The following SRGAP1 variants were observed in gnomAD, a reference collection of about 807,000 sequenced individuals.
SRGAP1 encodes SLIT-ROBO Rho GTPase activating protein 1.
SRGAP1 carries 43 observed loss-of-function variants against 121.9 expected under a neutral mutation model. The ratio of observed to expected loss-of-function variants is 0.35; its 90% CI spans 0.28 to 0.46. The LOEUF (loss-of-function observed/expected upper bound fraction) is 0.46. Among genes scored for constraint, SRGAP1 ranks in the 20% least tolerant of loss-of-function variants. The probability of loss-of-function intolerance (pLI) is 1.00; values close to 1 mark genes in which losing one functional copy is unlikely to be tolerated. For synonymous variants in SRGAP1, 447 were observed against 485.4 expected, an observed-to-expected ratio of 0.92 and a Z score of 1.04; for missense variants, 1,102 against 1,350.9, an observed-to-expected ratio of 0.82 and a Z score of 2.89.
chr12:64,147,194 G>T lies in SRGAP1; in HGVS notation c.*4522G>T. 3.4e-6 allele frequency: 1 copy of T among 295,700 alleles called. No homozygotes were observed. The highest frequency in any genetic ancestry group is 6.2e-6 in the Non-Finnish European group (1 of 160,530). 18.3% of individuals were successfully genotyped at this position (295,700 alleles called of 1,614,324 possible). A position where few individuals can be genotyped will look rare whatever the true frequency, so the allele number is the denominator to read the frequency against. On this transcript the variant is annotated 3_prime_UTR_variant, in exon 22 of 22. Coordinates refer to ENST00000355086, the MANE Select transcript of SRGAP1 (RefSeq NM_020762.4). The stretch of plus-strand genomic sequence containing the variant: ...CTGCCCGCGTAATTAAATCAGTATT[G>T]TCCTTTCCTGTCGGTTTGATCAATT...
At chr12:64,049,788 T>C (rs2035204958) in intron 6 of SRGAP1, among the ~76,000 whole-genome samples, 1 of 152,234 alleles carries the variant, frequency 6.6e-6, no homozygotes, top group African/African-American at 2.4e-5. Context: ...CTGTCTTGGT[T>C]ACTATAGTTT....
chr12:64,127,704 T>C lies in SRGAP1; in HGVS notation c.2520T>C (p.His840=). 2 of 1,614,132 alleles carry C rather than the reference T, an allele frequency of 1.2e-6. No individual in the cohort carries two copies. The highest frequency in any genetic ancestry group is 1.7e-6 in the Non-Finnish European group (2 of 1,180,010). Residue 840 remains histidine, a synonymous_variant, in exon 20 of 22, where the codon CAT becomes CAC. Coordinates refer to ENST00000355086, the MANE Select transcript of SRGAP1 (RefSeq NM_020762.4). ...ACATGAACTCCCCGACAGACCGTCA[T>C]CCTGACGGCTATTTAGCCAGGTAAG... is the stretch of plus-strand genomic sequence containing the variant. ...SKDMNSPTDR[H]PDGYLARQRK... is the part of the protein sequence containing the mutation.
intron 6 of SRGAP1, 88 bp downstream of exon 6, chr12:64,043,663 T>G (rs1297060481): frequency 9.7e-7 from 1 of 1,034,306 alleles, no homozygotes; most frequent in Admixed American, 2.9e-5. Flanking sequence ...TGTCATTTCT[T>G]AAGACTGTTA....
At chr12:64,028,638 C>T (rs1353555715) in intron 4 of SRGAP1, among the ~76,000 whole-genome samples, 1 of 152,186 alleles carries the variant, frequency 6.6e-6, no homozygotes, top group Non-Finnish European at 1.5e-5. Context: ...CTTTGTGGCT[C>T]ATAGGCAATA....
Position 64,111,923 on chromosome 12 carries a change from T to C in SRGAP1, c.2081T>C (p.Phe694Ser). 6.2e-7 allele frequency: 1 copy of C among 1,614,110 alleles called. No homozygotes were observed. Among genetic ancestry groups the C allele is most frequent in the Non-Finnish European group, 8.5e-7 (1 of 1,180,002 alleles). The change falls in exon 17 of 22, where the codon TTC (phenylalanine) becomes TCC (serine). Residue 694 changes from phenylalanine (F) to serine (S), a missense_variant. Physicochemically the swap from Phe to Ser is radical, Grantham distance 155. This residue lies in a region of SRGAP1 where 747 missense variants were observed against 929.4 expected (regional missense o/e 0.80). Transcript: ENST00000355086. ...KTIIIHHETIFPDAKELDGPV... is the reference protein window; with the variant it reads ...KTIIIHHETISPDAKELDGPV... ...ATCATCATCCACCATGAGACTATTTTCCCAGATGCTAAAGAGCTGGATGGC... is the reference window on the plus strand; with the variant it reads ...ATCATCATCCACCATGAGACTATTTCCCCAGATGCTAAAGAGCTGGATGGC...
At chr12:64,029,489 T>C (rs780669152) in intron 4 of SRGAP1, among the ~76,000 whole-genome samples, 26 of 152,056 alleles carry the variant, frequency 1.7e-4, no homozygotes, top group Admixed American at 1.7e-3. Context: ...CCAGACTACA[T>C]AGAGATCTCT....
chr12:64,128,295 C>A, intron 21 of SRGAP1, 95 bp downstream of exon 21: 1 of 1,197,568 alleles, frequency 8.4e-7, no homozygotes, highest in Non-Finnish European at 1.1e-6. Context: ...ACTTTATTTA[C>A]TTTATATTTC....
intron 4 of SRGAP1, among the ~76,000 whole-genome samples, chr12:64,024,662 T>G (rs1470554403): frequency 6.6e-6 from 1 of 152,158 alleles, no homozygotes; most frequent in Admixed American, 6.5e-5. Flanking sequence ...CACACTGCAA[T>G]GAAGAAATAC....
intron 10 of SRGAP1, among the ~76,000 whole-genome samples, chr12:64,082,868 C>G (rs2035872734): frequency 6.6e-6 from 1 of 152,210 alleles, no homozygotes; most frequent in Admixed American, 6.5e-5. Context: ...AACTGGATAG[C>G]TTTCATCCAT....
chr12:64,083,041 C>G (rs2035875516), intron 10 of SRGAP1, among the ~76,000 whole-genome samples: 1 of 152,172 alleles, frequency 6.6e-6, no homozygotes, highest in Admixed American at 6.5e-5. Flanking sequence ...ACATGCCCCA[C>G]CTTTTAACTC....
At chr12:63,861,200 A>C (rs961024874) in intron 1 of SRGAP1, among the ~76,000 whole-genome samples, 1 of 147,966 alleles carries the variant, frequency 6.8e-6, no homozygotes. Flanking sequence ...TTTAATAGAG[A>C]CAGGGATTCA....
chr12:64,028,773 C>T (rs114558913), intron 4 of SRGAP1, among the ~76,000 whole-genome samples: 2,042 of 152,296 alleles, frequency 0.013, 48 homozygotes, highest in African/African-American at 0.047. Flanking sequence ...TTATGTCCCC[C>T]CAATCCTGTC....
intron 4 of SRGAP1, among the ~76,000 whole-genome samples, chr12:64,037,060 C>G (rs1226338416): frequency 6.6e-6 from 1 of 152,188 alleles, no homozygotes; most frequent in East Asian, 1.9e-4. Context: ...TAAGATCCCT[C>G]TGGCTGAGAA....
chr12:63,863,279 T>TC (rs971730267), intron 1 of SRGAP1, among the ~76,000 whole-genome samples: 1 of 150,632 alleles, frequency 6.6e-6, no homozygotes, highest in African/African-American at 2.4e-5. Flanking sequence ...TTTTTTTCTT[T>TC]TTTTTTTTTT....
intron 1 of SRGAP1, among the ~76,000 whole-genome samples, chr12:63,931,217 C>T (rs764648877): frequency 2.6e-5 from 4 of 152,126 alleles, no homozygotes; most frequent in South Asian, 2.1e-4. Flanking sequence ...GAGCAAGAAG[C>T]GATACAGTAC....
chr12:64,077,940 A>G (rs1244537151), intron 8 of SRGAP1, among the ~76,000 whole-genome samples: 1 of 152,226 alleles, frequency 6.6e-6, no homozygotes, highest in African/African-American at 2.4e-5. Context: ...ATGGAGCAAG[A>G]GATTTTAACA....
At chr12:64,025,119 C>A (rs1190637323) in intron 4 of SRGAP1, among the ~76,000 whole-genome samples, 1 of 149,684 alleles carries the variant, frequency 6.7e-6, no homozygotes, top group Non-Finnish European at 1.5e-5. Flanking sequence ...CTTTACGTAT[C>A]TTTGAAGCCC....
intron 1 of SRGAP1, among the ~76,000 whole-genome samples, chr12:63,897,786 C>T (rs191668910): frequency 1.3e-5 from 2 of 152,314 alleles, no homozygotes; most frequent in Admixed American, 1.3e-4. Context: ...ACACAGTTAA[C>T]TAATCCAGTC....
Position 63,945,266 on chromosome 12 carries a change from T to TG in SRGAP1, c.68-38680dup, listed in dbSNP as rs563668756. Among the ~76,000 whole-genome samples the TG allele has an allele frequency of 1.5e-3, 226 of 150,128 alleles. 2 individuals are homozygous for TG. The highest frequency in any genetic ancestry group is 6.6e-3 in the South Asian group (31 of 4,728). On this transcript the variant is annotated intron_variant, in intron 1 of 21. Coordinates refer to ENST00000355086, the MANE Select transcript of SRGAP1 (RefSeq NM_020762.4). ...TCCCTTCCTCTTTTGTCTTTCTGTT[T>TG]GTTTTTTTTTTTTAAATACTTTAAG...
Sources: gnomAD v4.1 joint callset for allele counts (sites outside exome capture counted in the v4.1 genomes callset) on GRCh38, gnomAD v4.1.1 for gene constraint, gnomAD v4.1.1 regional missense constraint, MANE v1.5 for transcripts, NCBI Gene and HGNC (gene_info 2026-07-23, HGNC 2026-07-21) for gene names.